Variants in EDA observed in about 807,000 individuals in gnomAD.
EDA encodes the protein ectodysplasin A.
A neutral mutation model predicts 23.6 loss-of-function variants in EDA; 2 were observed. That is an observed-to-expected ratio of 0.08 (90% CI 0.03 to 0.27). The LOEUF (loss-of-function observed/expected upper bound fraction) is 0.27, where lower values mean the gene tolerates loss of function less well. EDA is among the 10% of genes least tolerant of loss of function. EDA has a pLI of 1.00. For synonymous variants in EDA, 131 were observed against 132.0 expected (o/e 0.99, Z 0.05); for missense variants, 229 against 324.2 (o/e 0.71, Z 2.26).
intron 1 of EDA, among the ~76,000 whole-genome samples, chrX:69,940,072 G>A (rs1462031794): frequency 1.8e-5 from 2 of 111,407 alleles, no homozygotes; most frequent in African/African-American, 6.5e-5. Flanking sequence ...TTTTTGTCTG[G>A]TTTTGGTATC....
intron 1 of EDA, among the ~76,000 whole-genome samples, chrX:69,714,436 A>G (rs1199578342): frequency 9.0e-6 from 1 of 111,539 alleles, no homozygotes; most frequent in Non-Finnish European, 1.9e-5. Context: ...TTTTTCTTTT[A>G]TAGATCATAC....
chrX:69,718,038 T>C (rs1302617781), intron 1 of EDA, among the ~76,000 whole-genome samples: 1 of 111,939 alleles, frequency 8.9e-6, no homozygotes, highest in Non-Finnish European at 1.9e-5. Context: ...CTGCCGTGAT[T>C]GGCCTCCCCA....
intron 1 of EDA, among the ~76,000 whole-genome samples, chrX:69,706,883 G>T (rs908939080): frequency 1.8e-5 from 2 of 111,537 alleles, no homozygotes; most frequent in Admixed American, 1.9e-4. Context: ...CCCACTTCCT[G>T]TCATGGCCTG....
chrX:69,962,114 G>A (rs1160782474), intron 2 of EDA, among the ~76,000 whole-genome samples: 1 of 112,347 alleles, frequency 8.9e-6, no homozygotes, highest in Non-Finnish European at 1.9e-5. Context: ...AAAAACATCT[G>A]TTCTCTTCCG....
chrX:69,866,962 C>T (rs1170099468), intron 1 of EDA, among the ~76,000 whole-genome samples: 2 of 112,216 alleles, frequency 1.8e-5, no homozygotes, highest in Non-Finnish European at 3.8e-5. Flanking sequence ...ATAGGTAAAC[C>T]CATATCTGGA....
intron 1 of EDA, among the ~76,000 whole-genome samples, chrX:69,838,934 G>A (rs1236155335): frequency 8.9e-6 from 1 of 111,819 alleles, no homozygotes; most frequent in Non-Finnish European, 1.9e-5. Context: ...GTCTAATTTT[G>A]TGATGATATC....
intron 1 of EDA, among the ~76,000 whole-genome samples, chrX:69,937,003 G>T (rs780071738): frequency 9.4e-6 from 1 of 106,321 alleles, no homozygotes; most frequent in South Asian, 4.4e-4. Flanking sequence ...AGATAGGAAC[G>T]ATCATACTTA....
At chrX:69,681,276 T>C (rs1368770615) in intron 1 of EDA, among the ~76,000 whole-genome samples, 2 of 109,754 alleles carry the variant, frequency 1.8e-5, no homozygotes, top group Non-Finnish European at 3.8e-5. Context: ...ATTTCAACTT[T>C]GGTGAATCTG....
chrX:69,852,220 C>T (rs1013872597), intron 1 of EDA, among the ~76,000 whole-genome samples: 2 of 111,309 alleles, frequency 1.8e-5, no homozygotes, highest in African/African-American at 3.3e-5. Context: ...ACCTCCGCTT[C>T]CTGGGTTCAA....
intron 1 of EDA, among the ~76,000 whole-genome samples, chrX:69,886,932 A>G (rs994361105): frequency 8.9e-6 from 1 of 112,211 alleles, no homozygotes; most frequent in Non-Finnish European, 1.9e-5. Context: ...ATGGACATCA[A>G]TGCAAAGCTA....
intron 2 of EDA, among the ~76,000 whole-genome samples, chrX:69,968,707 C>T (rs1438832916): frequency 8.9e-6 from 1 of 112,328 alleles, no homozygotes; most frequent in East Asian, 2.8e-4. Context: ...TGGTTCTTAA[C>T]ACTGGTAGCA....
At chrX:69,788,962 C>A (rs2015304677) in intron 1 of EDA, among the ~76,000 whole-genome samples, 1 of 111,769 alleles carries the variant, frequency 8.9e-6, no homozygotes, top group Non-Finnish European at 1.9e-5. Flanking sequence ...GGCGTAGGAC[C>A]CTCCGAGCCA....
chrX:69,897,744 C>A (rs2018039008), intron 1 of EDA, among the ~76,000 whole-genome samples: 1 of 111,590 alleles, frequency 9.0e-6, no homozygotes, highest in Admixed American at 9.5e-5. Flanking sequence ...GATAAGTCAC[C>A]CTCTATGGAG....
chrX:69,623,484 C>G (rs1268199753), intron 1 of EDA, among the ~76,000 whole-genome samples: 1 of 111,556 alleles, frequency 9.0e-6, no homozygotes, highest in African/African-American at 3.3e-5. Context: ...AAAGCCTCAT[C>G]AAATACCATC....
intron 1 of EDA, among the ~76,000 whole-genome samples, chrX:69,715,214 A>C (rs753847029): frequency 9.2e-6 from 1 of 108,846 alleles, no homozygotes; most frequent in Admixed American, 9.9e-5. Context: ...CGCAAGAGTT[A>C]TTTTTTTCTG....
intron 1 of EDA, among the ~76,000 whole-genome samples, chrX:69,789,471 A>G (rs972472507): frequency 8.9e-6 from 1 of 112,226 alleles, no homozygotes; most frequent in Non-Finnish European, 1.9e-5. Context: ...TTCTTAGGGC[A>G]AATTTTTCAA....
chrX:69,871,387 A>G (rs769469568), intron 1 of EDA, among the ~76,000 whole-genome samples: 40 of 111,748 alleles, frequency 3.6e-4, no homozygotes, highest in Non-Finnish European at 1.5e-4. Context: ...AGGTCCCACA[A>G]TAGGCTGTCT....
intron 1 of EDA, among the ~76,000 whole-genome samples, chrX:69,768,676 G>A (rs2014541104): frequency 9.0e-6 from 1 of 111,123 alleles, no homozygotes; most frequent in African/African-American, 3.3e-5. Flanking sequence ...TCATCTAGGT[G>A]CTTTACATTT....
At chrX:69,750,795 G>C (rs1488792748) in intron 1 of EDA, among the ~76,000 whole-genome samples, 1 of 111,998 alleles carries the variant, frequency 8.9e-6, no homozygotes, top group Non-Finnish European at 1.9e-5. Flanking sequence ...ATTTTTTCAT[G>C]TGTCTGTGGG....
Sources: allele counts gnomAD v4.1 joint callset (sites outside exome capture counted in the v4.1 genomes callset), GRCh38; gene constraint gnomAD v4.1.1; transcripts MANE v1.5; gene names NCBI Gene and HGNC (gene_info 2026-07-23, HGNC 2026-07-21).